RCL1: variants seen among roughly 807,000 people sequenced by gnomAD.
RCL1 encodes the protein RNA terminal phosphate cyclase like 1.
A neutral mutation model predicts 42.4 loss-of-function variants in RCL1; 24 were observed. The observed-to-expected ratio is 0.57, with a 90% CI of 0.41 to 0.80. The LOEUF is 0.80. Among genes scored for constraint, RCL1 ranks in the 30% least tolerant of loss-of-function variants. RCL1 has a pLI of 0.00. For missense variants in RCL1, 578 were observed against 467.9 expected, an observed-to-expected ratio of 1.24 and a Z score of -2.17; for synonymous variants, 228 against 177.3, an observed-to-expected ratio of 1.29 and a Z score of -2.27.
chr9:4,832,886 G>A (rs114302811), intron 3 of RCL1, among the ~76,000 whole-genome samples: 119 of 149,472 alleles, frequency 8.0e-4, no homozygotes, highest in African/African-American at 2.9e-3. Context: ...CTTTTTGCAT[G>A]ATGCCTCTGA....
rs888120953 is a variant in RCL1, at chr9:4,806,440, G to T, written c.136+13213G>T. Among the ~76,000 whole-genome samples the T allele has an allele frequency of 2.0e-5, 3 of 152,128 alleles. No individual in the cohort carries two copies. In the South Asian group the frequency reaches 6.2e-4, roughly 32 times the overall value. On this transcript the variant is annotated intron_variant, in intron 1 of 8. Transcript: ENST00000381750. ...AAGTGTCTTTTTAAACAATGAATGAGTGTTGTATTTTGTCCAATGCTTTTT... is the reference window on the plus strand; with the variant it reads ...AAGTGTCTTTTTAAACAATGAATGATTGTTGTATTTTGTCCAATGCTTTTT...
chr9:4,836,313 AG>A (rs546131035), intron 5 of RCL1, among the ~76,000 whole-genome samples: 374 of 152,146 alleles, frequency 2.5e-3, no homozygotes, highest in African/African-American at 8.5e-3. Flanking sequence ...GGACAGTTGG[AG>A]GGTGGGTGCT....
chr9:4,852,116 C>T (rs1377838357), intron 8 of RCL1, among the ~76,000 whole-genome samples: 2 of 152,282 alleles, frequency 1.3e-5, no homozygotes, highest in Admixed American at 6.5e-5. Flanking sequence ...CTCCTGACCT[C>T]GTGGTCCACC....
intron 1 of RCL1, among the ~76,000 whole-genome samples, chr9:4,805,338 G>A (rs1815885381): frequency 6.6e-6 from 1 of 152,154 alleles, no homozygotes; most frequent in South Asian, 2.1e-4. Flanking sequence ...ACAGTGAGCC[G>A]TGATCATGCT....
chr9:4,806,424 T>C (rs1389655162), intron 1 of RCL1, among the ~76,000 whole-genome samples: 1 of 152,204 alleles, frequency 6.6e-6, no homozygotes, highest in Non-Finnish European at 1.5e-5. Context: ...TAAGTGTCTT[T>C]TTAAACAATG....
At position 4,829,071 on chromosome 9, in the gene RCL1, C is replaced by G. The variant is rs137920224; in HGVS notation, c.384+2038C>G. Among the ~76,000 whole-genome samples, 120 of 152,272 alleles carry G rather than the reference C, an allele frequency of 7.9e-4. 1 individual carries two copies. Among genetic ancestry groups the G allele is most frequent in the African/African-American group, 2.8e-3 (118 of 41,560 alleles). ...ACAAGGATGAAATGAGTGATTCTGTCCTTAACAAACTCCTAGTCTCGTGGG... is the reference window on the plus strand; with the variant it reads ...ACAAGGATGAAATGAGTGATTCTGTGCTTAACAAACTCCTAGTCTCGTGGG... On this transcript the variant is annotated intron_variant, in intron 3 of 8. Transcript: ENST00000381750.
intron 8 of RCL1, among the ~76,000 whole-genome samples, chr9:4,855,898 C>T (rs1817944054): frequency 6.6e-6 from 1 of 152,178 alleles, no homozygotes. Flanking sequence ...GCCTGTGTTC[C>T]TCCCATCCTT....
At chr9:4,837,444 T>G (rs1248341919) in intron 5 of RCL1, among the ~76,000 whole-genome samples, 1 of 151,488 alleles carries the variant, frequency 6.6e-6, no homozygotes, top group Non-Finnish European at 1.5e-5. Context: ...GTCTGGGGGG[T>G]AGTTGTTTTT....
intron 7 of RCL1, among the ~76,000 whole-genome samples, chr9:4,845,357 C>T (rs1465335997): frequency 5.9e-5 from 9 of 152,216 alleles, no homozygotes; most frequent in Non-Finnish European, 8.8e-5. Flanking sequence ...TTTGCTTCTG[C>T]AGGTCTGCTG....
rs56709677 is a variant in RCL1 at position 4,855,072 on chromosome 9, A to AAAC, written c.972-5052_972-5051insACA. Among the ~76,000 whole-genome samples the AAAC allele has an allele frequency of 2.2e-3, 307 of 140,662 alleles. 10 individuals carry two copies. Among genetic ancestry groups the AAAC allele is most frequent in the Middle Eastern group, 7.3e-3 (2 of 274 alleles). The allele number at this position is 140,662 out of a possible 152,430, so 92.3% of individuals were successfully genotyped here. A position where few individuals can be genotyped will look rare whatever the true frequency, so the allele number is the denominator to read the frequency against. ...CGTCTCAAAAAAAAAAAAAAAAAAA[A>AAAC]ATAGGAAAAGTTATCTCTGTGCTCC... is the stretch of plus-strand genomic sequence containing the variant. On this transcript the variant is annotated intron_variant, in intron 8 of 8. Transcript: ENST00000381750.
At chr9:4,805,125 G>T (rs1437810488) in intron 1 of RCL1, among the ~76,000 whole-genome samples, 3 of 152,198 alleles carry the variant, frequency 2.0e-5, no homozygotes, top group Non-Finnish European at 4.4e-5. Context: ...AGCCAATGAA[G>T]AGGGGATAGA....
chr9:4,828,495 C>T (rs1191412053), intron 3 of RCL1, among the ~76,000 whole-genome samples: 3 of 149,634 alleles, frequency 2.0e-5, no homozygotes, highest in Non-Finnish European at 4.4e-5. Context: ...ATCTGAAATT[C>T]TTAAGCTGTA....
intron 1 of RCL1, chr9:4,804,169 G>C (rs1414074051): frequency 2.6e-5 from 4 of 152,784 alleles, no homozygotes; most frequent in African/African-American, 9.6e-5. Flanking sequence ...GGGCTGGGTG[G>C]CACAGAAGCC....
At chr9:4,806,851 T>C (rs1049774417) in intron 1 of RCL1, among the ~76,000 whole-genome samples, 15 of 152,204 alleles carry the variant, frequency 9.9e-5, no homozygotes, top group African/African-American at 3.4e-4. Flanking sequence ...TTTAAATGTT[T>C]GGCAGAATTT....
intron 5 of RCL1, 133 bp downstream of exon 5, chr9:4,834,398 T>C: frequency 1.1e-6 from 1 of 950,270 alleles, no homozygotes; most frequent in Non-Finnish European, 1.5e-6. Context: ...GTCTTAACAG[T>C]GAAATTGTAA....
intron 5 of RCL1, among the ~76,000 whole-genome samples, chr9:4,838,005 C>G (rs146908535): frequency 7.4e-4 from 112 of 152,340 alleles, no homozygotes; most frequent in African/African-American, 2.5e-3. Flanking sequence ...ATTTCACAAA[C>G]ACCTCAAAGG....
intron 8 of RCL1, among the ~76,000 whole-genome samples, chr9:4,849,933 A>G (rs991186034): frequency 8.5e-5 from 13 of 152,248 alleles, no homozygotes; most frequent in Non-Finnish European, 1.8e-4. Flanking sequence ...CTTTTTGTCT[A>G]AGATGATAGG....
At chr9:4,857,536 A>T (rs889312363) in intron 8 of RCL1, among the ~76,000 whole-genome samples, 3 of 152,056 alleles carry the variant, frequency 2.0e-5, no homozygotes, top group African/African-American at 7.2e-5. Flanking sequence ...GGTTGCTTCT[A>T]CGTTTTGACT....
intron 1 of RCL1, among the ~76,000 whole-genome samples, chr9:4,810,017 A>G (rs10974797): frequency 0.21 from 31,724 of 152,076 alleles, 3,809 homozygotes; most frequent in South Asian, 0.36. Flanking sequence ...GGGTTTCACC[A>G]TGTTGGCCAG....
Sources: gnomAD v4.1 joint callset for allele counts (sites outside exome capture counted in the v4.1 genomes callset) on GRCh38, gnomAD v4.1.1 for gene constraint, MANE v1.5 for transcripts, NCBI Gene and HGNC (gene_info 2026-07-23, HGNC 2026-07-21) for gene names.